Variants in ADAM32 observed in about 807,000 individuals in gnomAD.
ADAM32 encodes the protein ADAM metallopeptidase domain 32.
Under a neutral mutation model 114.9 loss-of-function variants are expected in ADAM32, and 89 were observed. That is an observed-to-expected ratio of 0.77 (90% CI 0.65 to 0.92). The LOEUF is 0.92. Among genes scored for constraint, ADAM32 ranks in the 40% least tolerant of loss-of-function variants. The pLI is 0.00. For missense variants in ADAM32, 870 were observed against 932.8 expected (o/e 0.93, Z 0.88); for synonymous variants, 285 against 307.5 (o/e 0.93, Z 0.77).
At position 39,200,843 on chromosome 8, in the gene ADAM32, G is replaced by A. The variant is rs1585523098; in HGVS notation, c.1053-10301G>A. Among the ~76,000 whole-genome samples, 4 of 152,100 alleles carry A rather than the reference G, an allele frequency of 2.6e-5. 1 individual carries two copies. The East Asian group carries it at 7.7e-4, about 29-fold the overall frequency. ...ATCCAGTTTCAGCTTTCTACATATG[G>A]CTAGCCAGTTTTCCCAGCACCATTT... is the stretch of plus-strand genomic sequence containing the variant. On this transcript the variant is annotated intron_variant, in intron 11 of 24. Coordinates refer to ENST00000379907, the MANE Select transcript of ADAM32 (RefSeq NM_145004.7).
intron 11 of ADAM32, among the ~76,000 whole-genome samples, chr8:39,195,450 A>T (rs73606745): frequency 0.25 from 37,618 of 152,118 alleles, 5,021 homozygotes; most frequent in Non-Finnish European, 0.29. Context: ...GAGTTCCATT[A>T]GTCTATTTTT....
intron 13 of ADAM32, 21 bp from the exon 14 acceptor site, chr8:39,223,019 T>A: frequency 6.6e-7 from 1 of 1,520,440 alleles, no homozygotes; most frequent in Non-Finnish European, 8.8e-7. Flanking sequence ...GCTTTATTTT[T>A]TATGTTCTAA....
intron 1 of ADAM32, among the ~76,000 whole-genome samples, chr8:39,109,830 A>G (rs1209867651): frequency 6.6e-6 from 1 of 152,154 alleles, no homozygotes; most frequent in Non-Finnish European, 1.5e-5. Flanking sequence ...TGCATCCACC[A>G]TTGTAGTATT....
At chr8:39,123,557 T>C (rs1801917460) in intron 2 of ADAM32, among the ~76,000 whole-genome samples, 1 of 152,174 alleles carries the variant, frequency 6.6e-6, no homozygotes, top group African/African-American at 2.4e-5. Context: ...GCTTGGATTT[T>C]GATAGAGATT....
chr8:39,245,263 A>G (rs1160982362), intron 16 of ADAM32, among the ~76,000 whole-genome samples: 2 of 152,158 alleles, frequency 1.3e-5, no homozygotes, highest in South Asian at 4.1e-4. Flanking sequence ...CTGAAGATGC[A>G]AAGGCATGAG....
intron 16 of ADAM32, among the ~76,000 whole-genome samples, chr8:39,239,578 A>T (rs1475751987): frequency 6.6e-6 from 1 of 152,222 alleles, no homozygotes; most frequent in Non-Finnish European, 1.5e-5. Context: ...TCACATCTCA[A>T]TACTAACATT....
intron 10 of ADAM32, among the ~76,000 whole-genome samples, chr8:39,184,065 G>A (rs1164254005): frequency 6.6e-6 from 1 of 152,258 alleles, no homozygotes; most frequent in East Asian, 1.9e-4. Context: ...GGCTTCTGTT[G>A]ATGGCAGGTA....
At chr8:39,281,608 A>G (rs1813422335) in intron 23 of ADAM32, among the ~76,000 whole-genome samples, 1 of 152,152 alleles carries the variant, frequency 6.6e-6, no homozygotes. Flanking sequence ...AGTTTAGGAG[A>G]CAGTATTATA....
intron 16 of ADAM32, among the ~76,000 whole-genome samples, chr8:39,243,294 A>G (rs1007935141): frequency 6.6e-6 from 1 of 152,216 alleles, no homozygotes; most frequent in Non-Finnish European, 1.5e-5. Flanking sequence ...TGAAACCAAT[A>G]TCACCCTAAT....
chr8:39,254,371 A>G, intron 17 of ADAM32, 43 bp from the exon 18 acceptor site: 2 of 1,457,060 alleles, frequency 1.4e-6, no homozygotes, highest in Non-Finnish European at 9.4e-7. Context: ...TTCTCTGAGA[A>G]AATATTTTAA....
Position 39,118,098 on chromosome 8 carries a change from C to G in ADAM32, c.71C>G (p.Ser24Ter). ...TTTATCTCTTCAGGTTTTCAAAATTCACTTCTACAGATCGTAATTCCAGAG... is the reference window on the plus strand; with the variant it reads ...TTTATCTCTTCAGGTTTTCAAAATTGACTTCTACAGATCGTAATTCCAGAG... ...LLASRPGFQN[S>*]LLQIVIPEKI... Residue 24 changes from serine (S) to a stop codon, truncating the protein, a stop_gained, in exon 2 of 25, where the codon TCA becomes TGA. Transcript: ENST00000379907. LOFTEE classifies it high-confidence loss of function. 1 of 1,472,454 alleles carries G rather than the reference C, an allele frequency of 6.8e-7. No homozygotes were observed. The highest frequency in any genetic ancestry group is 9.0e-7 in the Non-Finnish European group (1 of 1,106,682). The allele number at this position is 1,472,454 out of a possible 1,614,324, so 91.2% of individuals were successfully genotyped here. A position where few individuals can be genotyped will look rare whatever the true frequency, so the allele number is the denominator to read the frequency against.
chr8:39,215,857 G>A (rs953884487), intron 12 of ADAM32, among the ~76,000 whole-genome samples: 1 of 151,978 alleles, frequency 6.6e-6, no homozygotes, highest in African/African-American at 2.4e-5. Flanking sequence ...AAAAGAATGT[G>A]TGTTTTTCAG....
intron 1 of ADAM32, among the ~76,000 whole-genome samples, chr8:39,113,957 C>T (rs1407128477): frequency 6.6e-6 from 1 of 151,720 alleles, no homozygotes; most frequent in African/African-American, 2.4e-5. Flanking sequence ...TATTAGGAGA[C>T]GTGTTGATTT....
At chr8:39,177,281 G>A (rs947965417) in intron 10 of ADAM32, among the ~76,000 whole-genome samples, 5 of 152,086 alleles carry the variant, frequency 3.3e-5, no homozygotes, top group African/African-American at 4.8e-5. Flanking sequence ...GGCTGGTCTT[G>A]AACTCTTGAC....
chr8:39,195,834 G>T (rs966130282), intron 11 of ADAM32, among the ~76,000 whole-genome samples: 2 of 152,002 alleles, frequency 1.3e-5, no homozygotes, highest in African/African-American at 4.8e-5. Flanking sequence ...GATCTTTTGT[G>T]GTTCCATATT....
At chr8:39,232,836 A>T (rs559088793) in intron 15 of ADAM32, among the ~76,000 whole-genome samples, 1 of 152,274 alleles carries the variant, frequency 6.6e-6, no homozygotes, top group Admixed American at 6.5e-5. Flanking sequence ...CTTTTAAGAG[A>T]ATCTTAAACC....
chr8:39,246,051 TG>T (rs750349409), intron 16 of ADAM32, 31 bp from the exon 17 acceptor site: 5 of 1,562,356 alleles, frequency 3.2e-6, no homozygotes, highest in Admixed American at 3.3e-5. Flanking sequence ...CCCTCTGACA[TG>T]GGAACTTTTT....
chr8:39,281,109 T>C, intron 22 of ADAM32, 27 bp from the exon 23 acceptor site: 2 of 1,170,538 alleles, frequency 1.7e-6, no homozygotes, highest in East Asian at 3.3e-5. Flanking sequence ...AGATATTTAA[T>C]ATATATTGTT....
At position 39,147,181 on chromosome 8, in the gene ADAM32, G is replaced by C; in HGVS notation, c.252G>C (p.Met84Ile). Residue 84 changes from methionine to isoleucine, a missense_variant, in exon 4 of 25, where the codon ATG (methionine) becomes ATC (isoleucine). Transcript: ENST00000379907. ...FMIYLYNQGSMNTYSSDIQTQ... is the reference protein window; with the variant it reads ...FMIYLYNQGSINTYSSDIQTQ... ...TCTATTTGTACAATCAAGGATCTAT[G>C]AATACTTATTCTTCAGATATTCAGG... 1 of 1,017,148 alleles carries C rather than the reference G, an allele frequency of 9.8e-7. No individual in the cohort carries two copies. Among genetic ancestry groups the C allele is most frequent in the South Asian group, 2.6e-5 (1 of 39,124 alleles). 63.0% of individuals were successfully genotyped at this position (1,017,148 alleles called of 1,614,324 possible). A position where few individuals can be genotyped will look rare whatever the true frequency, so the allele number is the denominator to read the frequency against.
Sources: allele counts gnomAD v4.1 joint callset (sites outside exome capture counted in the v4.1 genomes callset), GRCh38; gene constraint gnomAD v4.1.1; transcripts MANE v1.5; gene names NCBI Gene and HGNC (gene_info 2026-07-23, HGNC 2026-07-21).